The following KATNIP variants were observed in gnomAD, a reference collection of about 807,000 sequenced individuals.
KATNIP encodes katanin-interacting protein.
KATNIP carries 126 observed loss-of-function variants against 174.0 expected under a neutral mutation model. The ratio of observed to expected loss-of-function variants is 0.72; its 90% CI spans 0.63 to 0.84. The LOEUF (loss-of-function observed/expected upper bound fraction) is 0.84. Among genes scored for constraint, KATNIP ranks in the 40% least tolerant of loss-of-function variants. KATNIP has a pLI of 0.00. For synonymous variants in KATNIP, 810 were observed against 835.7 expected, an observed-to-expected ratio of 0.97 and a Z score of 0.53; for missense variants, 1,958 against 2,109.7, an observed-to-expected ratio of 0.93 and a Z score of 1.41.
chr16:27,593,852 C>T (rs1427396007), intron 2 of KATNIP, among the ~76,000 whole-genome samples: 1 of 152,162 alleles, frequency 6.6e-6, no homozygotes. Context: ...GATTATTAGC[C>T]CTACTTAGGT....
intron 6 of KATNIP, chr16:27,654,582 G>A (rs1351402535): frequency 7.4e-7 from 1 of 1,351,914 alleles, no homozygotes; most frequent in Admixed American, 1.9e-5. Flanking sequence ...TTTTTACCAT[G>A]CCCAGTTTTC....
intron 11 of KATNIP, among the ~76,000 whole-genome samples, chr16:27,702,139 C>T (rs192085861): frequency 1.3e-5 from 2 of 152,288 alleles, no homozygotes; most frequent in East Asian, 1.9e-4. Context: ...AGCCCTAAAG[C>T]TCTCAAATTG....
intron 15 of KATNIP, among the ~76,000 whole-genome samples, chr16:27,743,607 A>G (rs1202803288): frequency 6.6e-6 from 1 of 152,134 alleles, no homozygotes; most frequent in Admixed American, 6.5e-5. Flanking sequence ...GTAAAAAAGA[A>G]CTGCAGTGAC....
At chr16:27,738,249 G>A (rs1265667887) in intron 14 of KATNIP, among the ~76,000 whole-genome samples, 1 of 152,162 alleles carries the variant, frequency 6.6e-6, no homozygotes, top group Non-Finnish European at 1.5e-5. Context: ...GGGACCATAA[G>A]TGGGTGGTTG....
chr16:27,610,604 G>A (rs936519988), intron 2 of KATNIP, among the ~76,000 whole-genome samples: 22 of 152,144 alleles, frequency 1.4e-4, no homozygotes, highest in Admixed American at 9.2e-4. Context: ...GGTTGCAGTT[G>A]CAGCCCGCTT....
chr16:27,575,007 C>T (rs987760726), intron 2 of KATNIP, among the ~76,000 whole-genome samples: 9 of 152,208 alleles, frequency 5.9e-5, no homozygotes, highest in Admixed American at 5.9e-4. Context: ...CTACTCTGTG[C>T]CAGGCACCAG....
chr16:27,628,612 C>A (rs1397636744), intron 3 of KATNIP, 49 bp from the exon 4 acceptor site: 3 of 1,594,938 alleles, frequency 1.9e-6, no homozygotes, highest in Non-Finnish European at 1.7e-6. Flanking sequence ...GGTACAGCAG[C>A]CCAGACTCTC....
chr16:27,676,473 G>A (rs1394714821), intron 6 of KATNIP, among the ~76,000 whole-genome samples: 2 of 152,118 alleles, frequency 1.3e-5, no homozygotes, highest in Non-Finnish European at 2.9e-5. Flanking sequence ...GAGTTCACAG[G>A]TTCTAGGGAT....
intron 1 of KATNIP, among the ~76,000 whole-genome samples, chr16:27,556,910 GTTTC>G (rs1229685615): frequency 6.6e-6 from 1 of 152,132 alleles, no homozygotes; most frequent in Non-Finnish European, 1.5e-5. Context: ...TATCTGATTA[GTTTC>G]TTTTCTCTCA....
At chr16:27,644,093 C>T (rs1045226083) in intron 5 of KATNIP, 1 of 147,794 alleles carries the variant, frequency 6.8e-6, no homozygotes, top group African/African-American at 2.5e-5. Context: ...GCGATCTCGG[C>T]TCACTGCAGG....
Position 27,751,769 on chromosome 16 carries a change from C to G in KATNIP, c.3397C>G (p.Leu1133Val). 4 of 1,614,222 alleles carry G rather than the reference C, an allele frequency of 2.5e-6. No homozygotes were observed. Among genetic ancestry groups the G allele is most frequent in the Non-Finnish European group, 3.4e-6 (4 of 1,180,048 alleles). The part of the protein sequence containing the change: ...TILFTTDDDI[L>V]EAIFYSDEMF... ...CTTATTCACAACCGATGATGACATTCTCGAGGCCATATTCTATTCTGATGA... is the reference window on the plus strand; with the variant it reads ...CTTATTCACAACCGATGATGACATTGTCGAGGCCATATTCTATTCTGATGA... The change falls in exon 17 of 28, where the codon CTC becomes GTC. Residue 1133 changes from leucine to valine, a missense_variant. Coordinates refer to ENST00000261588, the MANE Select transcript of KATNIP (RefSeq NM_015202.5).
In KATNIP at chr16:27,763,046, A is replaced by C. The variant is rs75183314; in HGVS notation, c.3809+1456A>C. Among the ~76,000 whole-genome samples the C allele has an allele frequency of 5.7e-3, 875 of 152,296 alleles. 13 individuals are homozygous for C. The highest frequency in any genetic ancestry group is 0.02 in the African/African-American group (837 of 41,560). On this transcript the variant is annotated intron_variant, in intron 19 of 27. Coordinates refer to ENST00000261588, the MANE Select transcript of KATNIP (RefSeq NM_015202.5). Reference sequence around the variant, plus strand: ...ATACTTGAAAAAGTTGCCTGTGCGCAGTGGCTCATGCCCATAATCCCAGCA... The same window carrying C: ...ATACTTGAAAAAGTTGCCTGTGCGCCGTGGCTCATGCCCATAATCCCAGCA...
At chr16:27,694,791 C>CAATAAATAAATAAATAAATA (rs57439444) in intron 8 of KATNIP, among the ~76,000 whole-genome samples, 26 of 148,888 alleles carry the variant, frequency 1.7e-4, no homozygotes, top group Admixed American at 2.0e-4. Flanking sequence ...GACCCTACCA[C>CAATAAATAAATAAATAAATA]AATAAATAAA....
chr16:27,752,013 A>G (rs1325967325), intron 17 of KATNIP, 89 bp downstream of exon 17: 43 of 1,078,016 alleles, frequency 4.0e-5, no homozygotes, highest in Admixed American at 5.7e-5. Flanking sequence ...TAAGATGGAT[A>G]TCCTTTAAGC....
chr16:27,745,957 CTT>C (rs759181249), intron 15 of KATNIP, among the ~76,000 whole-genome samples: 6 of 92,076 alleles, frequency 6.5e-5, no homozygotes, highest in African/African-American at 8.4e-5. Context: ...AACTCCTCTG[CTT>C]TTTTTTTTTT....
rs576263019 is a variant in KATNIP at position 27,601,265 on chromosome 16, G to A, written c.64-17160G>A. ...TTGTCCCTGCTCTCGTGGGTCTGGC[G>A]TCCTGATGGGGGAGGCCATGTGTAA... On this transcript the variant is annotated intron_variant, in intron 2 of 27. Transcript: ENST00000261588. Among the ~76,000 whole-genome samples, 4 of 152,250 alleles carry A rather than the reference G, an allele frequency of 2.6e-5. No homozygotes were observed. In the South Asian group the frequency reaches 6.2e-4, roughly 24 times the overall value.
intron 5 of KATNIP, 164 bp downstream of exon 5, chr16:27,631,326 G>A: frequency 1.7e-6 from 1 of 571,886 alleles, no homozygotes; most frequent in South Asian, 2.3e-5. Flanking sequence ...ATCACTTTGA[G>A]CCCAGAAGTT....
At chr16:27,653,972 C>T (rs1486811029) in intron 6 of KATNIP, among the ~76,000 whole-genome samples, 2 of 151,940 alleles carry the variant, frequency 1.3e-5, no homozygotes, top group African/African-American at 4.8e-5. Flanking sequence ...TGGCCAGCCC[C>T]ATTTACTTAT....
At chr16:27,556,152 A>G (rs560468901) in intron 1 of KATNIP, among the ~76,000 whole-genome samples, 3 of 152,202 alleles carry the variant, frequency 2.0e-5, no homozygotes, top group East Asian at 3.9e-4. Context: ...GTTCCTATAT[A>G]GTAGCTGTTG....
Sources: allele counts gnomAD v4.1 joint callset (sites outside exome capture counted in the v4.1 genomes callset), GRCh38; gene constraint gnomAD v4.1.1; transcripts MANE v1.5; gene names NCBI Gene and HGNC (gene_info 2026-07-23, HGNC 2026-07-21).